AP1S3: variants seen among roughly 807,000 people sequenced by gnomAD.
AP1S3 encodes the protein AP-1 complex subunit sigma-3.
AP1S3 carries 10 observed loss-of-function variants against 20.9 expected under a neutral mutation model. That is an observed-to-expected ratio of 0.48 (90% confidence interval 0.29 to 0.81). The LOEUF is 0.81. AP1S3 is among the 30% of genes least tolerant of loss of function. The pLI is 0.08. For synonymous variants in AP1S3, 41 were observed against 61.5 expected (o/e 0.67, Z 1.56); for missense variants, 154 against 183.8 (o/e 0.84, Z 0.94).
chr2:223,823,020 C>A (rs1477771342), intron 1 of AP1S3, among the ~76,000 whole-genome samples: 2 of 151,912 alleles, frequency 1.3e-5, no homozygotes, highest in Non-Finnish European at 2.9e-5. Context: ...TCTGGAAATG[C>A]AAATTAAGAG....
At chr2:223,774,549 T>G (rs1690718398) in intron 3 of AP1S3, among the ~76,000 whole-genome samples, 2 of 152,058 alleles carry the variant, frequency 1.3e-5, no homozygotes, top group African/African-American at 4.8e-5. Flanking sequence ...TATATCTGGT[T>G]TTTTTAAGGA....
intron 1 of AP1S3, among the ~76,000 whole-genome samples, chr2:223,830,862 G>T (rs1692241641): frequency 6.6e-6 from 1 of 152,216 alleles, no homozygotes; most frequent in Non-Finnish European, 1.5e-5. Context: ...AGAGCCCAGA[G>T]ATGCCTGTAG....
At chr2:223,826,970 T>G (rs567308806) in intron 1 of AP1S3, among the ~76,000 whole-genome samples, 1 of 152,146 alleles carries the variant, frequency 6.6e-6, no homozygotes, top group African/African-American at 2.4e-5. Context: ...CCCAGGGCCT[T>G]TTATACCTTG....
At chr2:223,790,593 A>T (rs911858632) in intron 1 of AP1S3, among the ~76,000 whole-genome samples, 1 of 152,070 alleles carries the variant, frequency 6.6e-6, no homozygotes, top group Non-Finnish European at 1.5e-5. Context: ...TAGAATAAGG[A>T]TGTCATTAGT....
Position 223,755,529 on chromosome 2 carries a change from ATTTTT to A in AP1S3, c.*3181_*3185del, listed in dbSNP as rs66977512. ...CATATAGATATGTTTACTTACTTTC[ATTTTT>A]TTTTTTTTTTTTTTGAGACAGGGTC... On this transcript the variant is annotated 3_prime_UTR_variant, in exon 5 of 5. Transcript: ENST00000396654. 1.7e-5 allele frequency among the ~76,000 whole-genome samples: 2 copies of A among 118,228 alleles called. No homozygotes were observed. Among genetic ancestry groups the A allele is most frequent in the Non-Finnish European group, 1.7e-5 (1 of 58,050 alleles). 77.6% of individuals were successfully genotyped at this position (118,228 alleles called of 152,430 possible). A position where few individuals can be genotyped will look rare whatever the true frequency, so the allele number is the denominator to read the frequency against.
chr2:223,775,054 T>C (rs1395955504), intron 3 of AP1S3, among the ~76,000 whole-genome samples: 1 of 151,662 alleles, frequency 6.6e-6, no homozygotes, highest in Non-Finnish European at 1.5e-5. Flanking sequence ...AGGGCGAATT[T>C]AAAGAAAGCG....
intron 1 of AP1S3, among the ~76,000 whole-genome samples, chr2:223,804,393 A>C (rs1317743735): frequency 6.6e-6 from 1 of 152,188 alleles, no homozygotes; most frequent in Non-Finnish European, 1.5e-5. Context: ...TTATAATGAC[A>C]GGAAGATAGA....
chr2:223,810,157 G>A (rs1320786351), intron 1 of AP1S3, among the ~76,000 whole-genome samples: 1 of 152,084 alleles, frequency 6.6e-6, no homozygotes, highest in Non-Finnish European at 1.5e-5. Context: ...AACTGTTCAG[G>A]ACAAGAATCT....
chr2:223,780,528 TG>T (rs1173879448), intron 1 of AP1S3, among the ~76,000 whole-genome samples: 5 of 151,312 alleles, frequency 3.3e-5, no homozygotes, highest in Non-Finnish European at 5.9e-5. Flanking sequence ...CAGGCTCAAG[TG>T]ATTCCCCCCA....
At chr2:223,788,834 A>G (rs1477271076) in intron 1 of AP1S3, among the ~76,000 whole-genome samples, 1 of 152,032 alleles carries the variant, frequency 6.6e-6, no homozygotes, top group Non-Finnish European at 1.5e-5. Context: ...CCTGGATCCT[A>G]AACCTAATTC....
intron 1 of AP1S3, among the ~76,000 whole-genome samples, chr2:223,789,614 T>C (rs964597785): frequency 4.0e-4 from 59 of 145,798 alleles, no homozygotes; most frequent in Non-Finnish European, 7.2e-4. Flanking sequence ...CCAAGGTGGG[T>C]GGATCACTCA....
intron 1 of AP1S3, among the ~76,000 whole-genome samples, chr2:223,825,025 C>T (rs1367356825): frequency 6.6e-6 from 1 of 151,856 alleles, no homozygotes; most frequent in African/African-American, 2.4e-5. Flanking sequence ...AAAACAGTTC[C>T]TCGGCCGGGC....
chr2:223,774,936 C>T (rs1690746227), intron 3 of AP1S3, among the ~76,000 whole-genome samples: 2 of 151,030 alleles, frequency 1.3e-5, no homozygotes, highest in African/African-American at 4.9e-5. Context: ...CGTCAGTACA[C>T]ACAGAGTTAG....
At chr2:223,772,259 C>A (rs1354369371) in intron 3 of AP1S3, among the ~76,000 whole-genome samples, 1 of 152,164 alleles carries the variant, frequency 6.6e-6, no homozygotes, top group East Asian at 1.9e-4. Context: ...CTTCTCTTAA[C>A]CTTTTTGAGG....
chr2:223,802,307 A>T (rs7587958), intron 1 of AP1S3, among the ~76,000 whole-genome samples: 3,927 of 69,744 alleles, frequency 0.056, 104 homozygotes, highest in African/African-American at 0.14. Flanking sequence ...GTTTTATTTT[A>T]TTTTTTTTTT....
At chr2:223,807,789 C>T (rs1473556195) in intron 1 of AP1S3, among the ~76,000 whole-genome samples, 1 of 150,108 alleles carries the variant, frequency 6.7e-6, no homozygotes, top group Non-Finnish European at 1.5e-5. Flanking sequence ...AGCATGCTTC[C>T]TGTATAGCCT....
In AP1S3 at chr2:223,825,927, G is replaced by C. The variant is rs547677569; in HGVS notation, c.3+11521C>G. Among the ~76,000 whole-genome samples, 291 of 152,206 alleles carry C rather than the reference G, an allele frequency of 1.9e-3. 1 individual carries two copies. Among genetic ancestry groups the C allele is most frequent in the Non-Finnish European group, 2.6e-3 (174 of 68,004 alleles). ...AGCTACTTGGGAGGCTAAGGTGGGG[G>C]GATCACTTGAACCTGGGACCAGAGG... is the stretch of plus-strand genomic sequence containing the variant. On this transcript the variant is annotated intron_variant, in intron 1 of 4. Coordinates refer to ENST00000396654, the MANE Select transcript of AP1S3 (RefSeq NM_001039569.2).
intron 3 of AP1S3, among the ~76,000 whole-genome samples, chr2:223,771,304 C>T (rs1431513343): frequency 6.6e-6 from 1 of 151,762 alleles, no homozygotes; most frequent in Non-Finnish European, 1.5e-5. Flanking sequence ...ACCACTGCAC[C>T]CCAACCTGGG....
At chr2:223,779,733 C>T (rs10153566) in intron 1 of AP1S3, among the ~76,000 whole-genome samples, 54,624 of 151,848 alleles carry the variant, frequency 0.36, 12,258 homozygotes, top group Non-Finnish European at 0.49. Context: ...TTTGGGAGGC[C>T]GAGGTGGGTG....
Sources: allele counts gnomAD v4.1 joint callset (sites outside exome capture counted in the v4.1 genomes callset), GRCh38; gene constraint gnomAD v4.1.1; transcripts MANE v1.5; gene names NCBI Gene and HGNC (gene_info 2026-07-23, HGNC 2026-07-21).